MAML3: variants seen among roughly 807,000 people sequenced by gnomAD.
MAML3 encodes the protein mastermind like transcriptional coactivator 3.
MAML3 carries 27 observed loss-of-function variants against 101.9 expected under a neutral mutation model. That is an observed-to-expected ratio of 0.27 (90% CI 0.20 to 0.37). MAML3 has a LOEUF of 0.37. Ranked by LOEUF, MAML3 falls within the 10% of genes least tolerant of loss-of-function variation. The pLI, the probability that MAML3 is intolerant of heterozygous loss-of-function variation, is 1.00. For synonymous variants in MAML3, 501 were observed against 555.9 expected, an observed-to-expected ratio of 0.90 and a Z score of 1.39; for missense variants, 1,316 against 1,444.9, an observed-to-expected ratio of 0.91 and a Z score of 1.45.
intron 1 of MAML3, among the ~76,000 whole-genome samples, chr4:139,989,058 C>T (rs897227554): frequency 4.6e-5 from 7 of 152,104 alleles, no homozygotes; most frequent in African/African-American, 7.2e-5. Flanking sequence ...AATTGCAAGT[C>T]GCCTCAGTTG....
At chr4:140,033,700 T>C (rs1276486771) in intron 1 of MAML3, among the ~76,000 whole-genome samples, 1 of 152,230 alleles carries the variant, frequency 6.6e-6, no homozygotes, top group Admixed American at 6.5e-5. Context: ...AAGCTCTCAG[T>C]TTCCACATAT....
chr4:139,815,002 A>G (rs970870902), intron 2 of MAML3, among the ~76,000 whole-genome samples: 1 of 152,212 alleles, frequency 6.6e-6, no homozygotes, highest in African/African-American at 2.4e-5. Context: ...AGGAAAAGTC[A>G]CTCTATGTAA....
At chr4:139,897,302 A>G (rs1423440820) in intron 1 of MAML3, among the ~76,000 whole-genome samples, 1 of 152,050 alleles carries the variant, frequency 6.6e-6, no homozygotes, top group African/African-American at 2.4e-5. Flanking sequence ...GTGTGTCTGA[A>G]ATTACAGAAC....
chr4:139,989,872 CACACACACACAG>C (rs775597058), intron 1 of MAML3, among the ~76,000 whole-genome samples: 289 of 94,590 alleles, frequency 3.1e-3, no homozygotes, highest in East Asian at 0.012. Context: ...CACACACACA[CACACACACACAG>C]AGAGAGAGAG....
At chr4:139,978,463 A>G (rs1341682480) in intron 1 of MAML3, among the ~76,000 whole-genome samples, 1 of 152,104 alleles carries the variant, frequency 6.6e-6, no homozygotes, top group South Asian at 2.1e-4. Context: ...CTCTGAAAGG[A>G]AAGTCCTGCA....
At chr4:139,749,546 G>C (rs1000696255) in intron 2 of MAML3, among the ~76,000 whole-genome samples, 1 of 152,198 alleles carries the variant, frequency 6.6e-6, no homozygotes, top group Non-Finnish European at 1.5e-5. Context: ...TCTGGTAACT[G>C]TCAAGGGGGT....
chr4:139,825,156 T>C (rs1242430312), intron 2 of MAML3, among the ~76,000 whole-genome samples: 2 of 151,804 alleles, frequency 1.3e-5, no homozygotes, highest in African/African-American at 2.4e-5. Context: ...AGCAATTCAA[T>C]GCAAGCCCTT....
At chr4:140,148,362 A>G (rs1164698788) in intron 1 of MAML3, among the ~76,000 whole-genome samples, 1 of 152,206 alleles carries the variant, frequency 6.6e-6, no homozygotes, top group African/African-American at 2.4e-5. Flanking sequence ...ATATACCACA[A>G]CCAAATAACA....
intron 2 of MAML3, among the ~76,000 whole-genome samples, chr4:139,749,313 T>C (rs555206009): frequency 1.1e-4 from 17 of 152,364 alleles, no homozygotes; most frequent in Admixed American, 3.9e-4. Context: ...AAAAAAGTTT[T>C]CTCTAAGAGA....
At position 139,719,262 on chromosome 4, in the gene MAML3, GT is replaced by G; in HGVS notation, c.*60del. 1.3e-6 allele frequency: 2 copies of G among 1,507,234 alleles called. No individual in the cohort carries two copies. The highest frequency in any genetic ancestry group is 1.8e-6 in the Non-Finnish European group (2 of 1,126,966). The allele number at this position is 1,507,234 out of a possible 1,614,324, so 93.4% of individuals were successfully genotyped here. A position where few individuals can be genotyped will look rare whatever the true frequency, so the allele number is the denominator to read the frequency against. On this transcript the variant is annotated 3_prime_UTR_variant, in exon 5 of 5. Coordinates refer to ENST00000509479, the MANE Select transcript of MAML3 (RefSeq NM_018717.5). ...AAAAACAAGGATGGGTCAACATCCT[GT>G]TTCTTTTTCACTTTTTAAGCTTTAA...
At chr4:140,074,604 T>C (rs1481641000) in intron 1 of MAML3, among the ~76,000 whole-genome samples, 1 of 152,206 alleles carries the variant, frequency 6.6e-6, no homozygotes, top group Admixed American at 6.5e-5. Flanking sequence ...TCCCAGCTCT[T>C]CTGGTGATGC....
chr4:139,955,194 G>A (rs1200750266), intron 1 of MAML3, among the ~76,000 whole-genome samples: 2 of 152,132 alleles, frequency 1.3e-5, no homozygotes, highest in Admixed American at 1.3e-4. Context: ...TCCAAAAATA[G>A]AGAAAAGGGA....
In MAML3 at chr4:139,822,261, CCACCACCACCAT is replaced by C. The variant is rs1229457184; in HGVS notation, c.2079+67084_2079+67095del. ...ACCACCACCACCACCACCACCACCA[CCACCACCACCAT>C]CATCATCATCATTGCTATCATTGTG... On this transcript the variant is annotated intron_variant, in intron 2 of 4. Coordinates refer to ENST00000509479, the MANE Select transcript of MAML3 (RefSeq NM_018717.5). Among the ~76,000 whole-genome samples, 619 of 149,214 alleles carry C rather than the reference CCACCACCACCAT, an allele frequency of 4.1e-3. 4 individuals are homozygous for C. The highest frequency in any genetic ancestry group is 0.014 in the African/African-American group (585 of 40,558).
chr4:139,963,990 A>T (rs1368349073), intron 1 of MAML3, among the ~76,000 whole-genome samples: 1 of 152,224 alleles, frequency 6.6e-6, no homozygotes, highest in Non-Finnish European at 1.5e-5. Flanking sequence ...TAGGCCATTA[A>T]TGACTTTGAA....
chr4:140,102,859 C>T (rs1728275568), intron 1 of MAML3, among the ~76,000 whole-genome samples: 1 of 152,122 alleles, frequency 6.6e-6, no homozygotes, highest in Admixed American at 6.5e-5. Context: ...TACTCATCAC[C>T]ACCAAGTGAA....
rs115991243 is a variant in MAML3, at chr4:140,065,156, G to A, written c.468+87704C>T. On this transcript the variant is annotated intron_variant, in intron 1 of 4. Transcript: ENST00000509479. ...AATGCCAAGACCTAGTAGCAAAACA[G>A]AAGTATAAACTTGCTTTTCTACAGA... Among the ~76,000 whole-genome samples the A allele has an allele frequency of 7.1e-3, 1,083 of 152,236 alleles. 12 individuals are homozygous for A. The highest frequency in any genetic ancestry group is 0.025 in the African/African-American group (1,032 of 41,524).
intron 1 of MAML3, among the ~76,000 whole-genome samples, chr4:139,892,552 A>C (rs1217521331): frequency 7.1e-6 from 1 of 141,314 alleles, no homozygotes; most frequent in Non-Finnish European, 1.5e-5. Flanking sequence ...CTATTTTTTT[A>C]TTTACTGTTT....
In MAML3 at chr4:139,741,096, GAGT is replaced by G. The variant is rs1443347606; in HGVS notation, c.2080-10432_2080-10430del. 2.0e-5 allele frequency among the ~76,000 whole-genome samples: 3 copies of G among 152,194 alleles called. No homozygotes were observed. In the East Asian group the frequency reaches 5.8e-4, roughly 29 times the overall value. On this transcript the variant is annotated intron_variant, in intron 2 of 4. Coordinates refer to ENST00000509479, the MANE Select transcript of MAML3 (RefSeq NM_018717.5). ...CCCCACCCTCGGCCCCCATTCCTATGAGTAGAAGCCTGCCCAGCTGCGGTGGTG... is the reference window on the plus strand; with the variant it reads ...CCCCACCCTCGGCCCCCATTCCTATGAGAAGCCTGCCCAGCTGCGGTGGTG...
intron 1 of MAML3, among the ~76,000 whole-genome samples, chr4:140,147,131 CAAAAAAAA>C (rs58459047): frequency 1.1e-3 from 88 of 81,328 alleles, no homozygotes; most frequent in African/African-American, 3.5e-3. Flanking sequence ...GACTCCATCT[CAAAAAAAA>C]AAAAAAAAAA....
Sources: allele counts gnomAD v4.1 joint callset (sites outside exome capture counted in the v4.1 genomes callset), GRCh38; gene constraint gnomAD v4.1.1; transcripts MANE v1.5; gene names NCBI Gene and HGNC (gene_info 2026-07-23, HGNC 2026-07-21).